Variants in GALNT13 observed in about 807,000 individuals in gnomAD.
GALNT13 encodes UDP-GalNAc:polypeptide N-acetylgalactosaminyltransferase 13.
GALNT13 carries 28 observed loss-of-function variants against 64.2 expected under a neutral mutation model. The ratio of observed to expected loss-of-function variants is 0.44; its 90% CI spans 0.32 to 0.60. The LOEUF is 0.60. GALNT13 is among the 20% of genes least tolerant of loss of function. The pLI is 0.05. For missense variants in GALNT13, 577 were observed against 669.8 expected, an observed-to-expected ratio of 0.86 and a Z score of 1.53; for synonymous variants, 214 against 224.6, an observed-to-expected ratio of 0.95 and a Z score of 0.42.
At chr2:154,207,246 C>T (rs1408230073) in intron 4 of GALNT13, among the ~76,000 whole-genome samples, 1 of 152,160 alleles carries the variant, frequency 6.6e-6, no homozygotes, top group Non-Finnish European at 1.5e-5. Context: ...CTACCTCCTG[C>T]TACATGTTCT....
intron 4 of GALNT13, among the ~76,000 whole-genome samples, chr2:154,178,104 G>A (rs1378640754): frequency 2.0e-5 from 3 of 152,058 alleles, no homozygotes; most frequent in Non-Finnish European, 4.4e-5. Flanking sequence ...GCTTACCTGT[G>A]ATTATTGCTG....
At chr2:154,318,941 C>G (rs190665324) in intron 9 of GALNT13, among the ~76,000 whole-genome samples, 8 of 152,046 alleles carry the variant, frequency 5.3e-5, no homozygotes, top group Admixed American at 2.0e-4. Flanking sequence ...ATACAGAGAG[C>G]ATATGATAAT....
intron 3 of GALNT13, among the ~76,000 whole-genome samples, chr2:154,019,602 C>CCACACACA (rs67316542): frequency 5.5e-4 from 70 of 126,524 alleles, no homozygotes; most frequent in Admixed American, 1.3e-3. Context: ...GAGTAAGACT[C>CCACACACA]CACACACACA....
intron 3 of GALNT13, among the ~76,000 whole-genome samples, chr2:154,041,539 G>A (rs1007838628): frequency 7.1e-6 from 1 of 140,412 alleles, no homozygotes; most frequent in African/African-American, 2.4e-5. Context: ...CACAAGAAAA[G>A]AGGTGTGTCA....
intron 4 of GALNT13, among the ~76,000 whole-genome samples, chr2:154,205,792 C>T (rs1687412689): frequency 6.6e-6 from 1 of 152,062 alleles, no homozygotes; most frequent in Non-Finnish European, 1.5e-5. Flanking sequence ...AAGACCCTCC[C>T]TATAATTCAG....
chr2:153,106,580 A>T, the GALNT13 span, among the ~76,000 whole-genome samples: 1 of 152,146 alleles, frequency 6.6e-6, no homozygotes. Context: ...ATCCAAGACA[A>T]CTTCACACTC....
chr2:153,636,442 G>A, the GALNT13 span, among the ~76,000 whole-genome samples: 3 of 152,082 alleles, frequency 2.0e-5, no homozygotes, highest in South Asian at 2.1e-4. Flanking sequence ...AAGGCTTCTC[G>A]TAGTTTTTAT....
chr2:153,884,340 A>G (rs1189913116), intron 1 of GALNT13, among the ~76,000 whole-genome samples: 1 of 151,490 alleles, frequency 6.6e-6, no homozygotes, highest in Non-Finnish European at 1.5e-5. Context: ...GATTCCAACC[A>G]CTCTCTGTGG....
At chr2:153,726,869 G>C in the GALNT13 span, among the ~76,000 whole-genome samples, 3 of 146,578 alleles carry the variant, frequency 2.0e-5, no homozygotes, top group Admixed American at 7.1e-5. Context: ...GAACCCGGAA[G>C]ACAGAGCTTG....
the GALNT13 span, among the ~76,000 whole-genome samples, chr2:153,786,793 G>A: frequency 6.6e-5 from 10 of 152,186 alleles, 1 homozygote; most frequent in African/African-American, 9.6e-5. Context: ...TACTACCCCT[G>A]CTACCCTCAG....
chr2:153,872,570 G>T (rs1174694705), intron 1 of GALNT13, among the ~76,000 whole-genome samples: 2 of 139,282 alleles, frequency 1.4e-5, no homozygotes, highest in African/African-American at 5.4e-5. Context: ...TTCTGCCGCC[G>T]CCCACCTTCT....
chr2:153,870,266 T>A (rs574906616), upstream of GALNT13, among the ~76,000 whole-genome samples: 1 of 152,290 alleles, frequency 6.6e-6, no homozygotes, highest in African/African-American at 2.4e-5. Flanking sequence ...TTTTACCAAG[T>A]TTATGATTCT....
At chr2:154,299,770 C>T (rs538008012) in intron 8 of GALNT13, among the ~76,000 whole-genome samples, 1 of 151,670 alleles carries the variant, frequency 6.6e-6, no homozygotes, top group Non-Finnish European at 1.5e-5. Context: ...GCCTGAAATA[C>T]GTTGATTATT....
At chr2:153,572,617 C>T in the GALNT13 span, among the ~76,000 whole-genome samples, 1 of 151,774 alleles carries the variant, frequency 6.6e-6, no homozygotes, top group South Asian at 2.1e-4. Context: ...TTTGCTGTAT[C>T]CCATAGGTTT....
chr2:153,091,859 T>A, the GALNT13 span, among the ~76,000 whole-genome samples: 2 of 152,244 alleles, frequency 1.3e-5, no homozygotes, highest in East Asian at 3.8e-4. Flanking sequence ...TGATCCCGTT[T>A]GTCCATTTTT....
chr2:153,270,606 G>A, the GALNT13 span, among the ~76,000 whole-genome samples: 3 of 152,156 alleles, frequency 2.0e-5, no homozygotes, highest in Admixed American at 2.0e-4. Context: ...CATGCCTGTA[G>A]TCTCAGCACT....
chr2:153,081,653 C>G, the GALNT13 span, among the ~76,000 whole-genome samples: 1 of 152,070 alleles, frequency 6.6e-6, no homozygotes, highest in African/African-American at 2.4e-5. Context: ...TTTACTTAAC[C>G]TAGTGATTTC....
the GALNT13 span, among the ~76,000 whole-genome samples, chr2:153,092,118 G>A: frequency 6.6e-6 from 1 of 152,118 alleles, no homozygotes; most frequent in Non-Finnish European, 1.5e-5. Context: ...TGCAGTGTAT[G>A]TTTTTGGCAC....
intron 3 of GALNT13, among the ~76,000 whole-genome samples, chr2:154,011,101 G>A (rs1486039881): frequency 6.6e-6 from 1 of 151,784 alleles, no homozygotes; most frequent in Non-Finnish European, 1.5e-5. Flanking sequence ...ATTCAATTCA[G>A]ATCTGATTTT....
Sources: allele counts gnomAD v4.1 joint callset (sites outside exome capture counted in the v4.1 genomes callset), GRCh38; gene constraint gnomAD v4.1.1; transcripts MANE v1.5; gene names NCBI Gene and HGNC (gene_info 2026-07-23, HGNC 2026-07-21).